DNAH14: variants seen among roughly 807,000 people sequenced by gnomAD.
DNAH14 encodes the protein axonemal beta dynein heavy chain 14.
Under a neutral mutation model 520.9 loss-of-function variants are expected in DNAH14, and 478 were observed. The observed-to-expected ratio is 0.92, with a 90% CI of 0.85 to 0.99. The LOEUF (loss-of-function observed/expected upper bound fraction) is 0.99. Ranked by LOEUF, DNAH14 falls within the 50% of genes least tolerant of loss-of-function variation. The pLI, the probability that DNAH14 is intolerant of heterozygous loss-of-function variation, is 0.00. For missense variants in DNAH14, 4,831 were observed against 5,234.5 expected (o/e 0.92, Z 2.38); for synonymous variants, 1,581 against 1,757.2 (o/e 0.90, Z 2.51).
chr1:225,091,311 A>G (rs1246027124), intron 21 of DNAH14, among the ~76,000 whole-genome samples: 1 of 152,124 alleles, frequency 6.6e-6, no homozygotes, highest in Non-Finnish European at 1.5e-5. Flanking sequence ...AGTTGGAAAA[A>G]AGGAAAAATA....
At chr1:225,216,603 C>CT (rs1265675970) in intron 41 of DNAH14, among the ~76,000 whole-genome samples, 4 of 152,098 alleles carry the variant, frequency 2.6e-5, no homozygotes, top group Non-Finnish European at 4.4e-5. Context: ...TCTTTTTACT[C>CT]TTTTTTCTCT....
At chr1:225,392,159 C>A in intron 83 of DNAH14, 132 bp from the exon 84 acceptor site, 1 of 1,163,260 alleles carries the variant, frequency 8.6e-7, no homozygotes, top group Non-Finnish European at 1.2e-6. Flanking sequence ...TGCTCCCGCC[C>A]AGCCCATCTC....
At chr1:225,124,673 T>C (rs2077555367) in intron 27 of DNAH14, among the ~76,000 whole-genome samples, 1 of 152,176 alleles carries the variant, frequency 6.6e-6, no homozygotes, top group Non-Finnish European at 1.5e-5. Context: ...CTTGAACCCC[T>C]TAAAGTCGTC....
At chr1:225,296,447 T>C (rs2094008178) in intron 55 of DNAH14, among the ~76,000 whole-genome samples, 1 of 151,990 alleles carries the variant, frequency 6.6e-6, no homozygotes, top group South Asian at 2.1e-4. Flanking sequence ...CTCATTTTGT[T>C]GATTGTTTTC....
intron 23 of DNAH14, among the ~76,000 whole-genome samples, chr1:225,106,130 T>C (rs1023426882): frequency 1.3e-5 from 2 of 150,234 alleles, no homozygotes; most frequent in Admixed American, 1.3e-4. Context: ...TTATTTCTCC[T>C]TCACTTATGG....
rs2094932716 is a variant in DNAH14, at chr1:225,335,358, T to TAC, written c.10080+1855_10080+1856dup. Reference sequence around the variant, plus strand: ...GTGTACATGTGTGTGTATATGCATATACACGTGTACATGTGTGTGTATATG... The same window carrying TAC: ...GTGTACATGTGTGTGTATATGCATATACACACGTGTACATGTGTGTGTATATG... On this transcript the variant is annotated intron_variant, in intron 66 of 85. Coordinates refer to ENST00000682510, the MANE Select transcript of DNAH14 (RefSeq NM_001367479.1). Among the ~76,000 whole-genome samples the TAC allele has an allele frequency of 3.1e-5, 2 of 63,784 alleles. 1 individual carries two copies. The highest frequency in any genetic ancestry group is 1.3e-4 in the African/African-American group (2 of 14,860). 41.8% of individuals were successfully genotyped at this position (63,784 alleles called of 152,430 possible).
chr1:225,322,741 G>A lies in DNAH14; in HGVS notation c.9413G>A (p.Trp3138Ter). 6.4e-7 allele frequency: 1 copy of A among 1,551,540 alleles called. No individual in the cohort carries two copies. The highest frequency in any genetic ancestry group is 8.7e-7 in the Non-Finnish European group (1 of 1,146,902). ...VCILLQKKPN[W>*]ATAKLLLSET... ...ATTCTTCTGCAAAAGAAACCTAACTGGGCAACGGCAAAGTTACTTCTTTCA... is the reference window on the plus strand; with the variant it reads ...ATTCTTCTGCAAAAGAAACCTAACTAGGCAACGGCAAAGTTACTTCTTTCA... The change falls in exon 62 of 86, where the codon TGG (tryptophan) becomes TAG (stop). Residue 3138 changes from tryptophan to a stop codon, truncating the protein, a stop_gained. Transcript: ENST00000682510. LOFTEE classifies it high-confidence loss of function.
At chr1:225,392,831 T>C (rs976189282) in intron 84 of DNAH14, among the ~76,000 whole-genome samples, 1 of 152,194 alleles carries the variant, frequency 6.6e-6, no homozygotes, top group African/African-American at 2.4e-5. Context: ...AACCGACTTA[T>C]TCCAGAGCTC....
intron 55 of DNAH14, among the ~76,000 whole-genome samples, chr1:225,296,529 A>T (rs1196276591): frequency 1.4e-5 from 2 of 138,428 alleles, no homozygotes; most frequent in Admixed American, 7.2e-5. Context: ...TTTTGCAGTG[A>T]TAGGGTTTGA....
intron 2 of DNAH14, chr1:224,954,463 A>C (rs1345364995): frequency 6.6e-6 from 1 of 152,444 alleles, no homozygotes; most frequent in East Asian, 1.9e-4. Flanking sequence ...TGTTCTTATG[A>C]AAAAGTTTTT....
At chr1:224,943,964 A>G (rs1301381552) in intron 1 of DNAH14, among the ~76,000 whole-genome samples, 1 of 152,140 alleles carries the variant, frequency 6.6e-6, no homozygotes, top group East Asian at 1.9e-4. Flanking sequence ...AGAAGAATGT[A>G]TATTCTGTTG....
intron 75 of DNAH14, among the ~76,000 whole-genome samples, chr1:225,363,033 G>A (rs2095510829): frequency 6.6e-6 from 1 of 151,904 alleles, no homozygotes; most frequent in South Asian, 2.1e-4. Context: ...TCCTTGTAAT[G>A]ATTTGGTTTG....
At chr1:225,090,843 G>A (rs1214338967) in intron 21 of DNAH14, among the ~76,000 whole-genome samples, 2 of 152,040 alleles carry the variant, frequency 1.3e-5, no homozygotes, top group Non-Finnish European at 2.9e-5. Context: ...GGCACCAAAA[G>A]CACTATCCAT....
At chr1:225,305,141 T>A in intron 58 of DNAH14, 52 bp downstream of exon 58, 1 of 1,489,882 alleles carries the variant, frequency 6.7e-7, no homozygotes, top group Non-Finnish European at 8.9e-7. Flanking sequence ...TGTTTTTGTT[T>A]GCGAAAAGAG....
Position 225,380,147 on chromosome 1 carries a change from T to A in DNAH14, c.12717-12T>A, listed in dbSNP as rs569729986. ...GTTCTGTGTCTCATTCTTCTCTTGG[T>A]TTTTTTTGCAGACCTGAGCAGAGTA... On this transcript the variant is annotated splice_polypyrimidine_tract_variant and intron_variant, in intron 79 of 85. Transcript: ENST00000682510. 7.0e-4 allele frequency: 1,068 copies of A among 1,529,490 alleles called. 1 individual carries two copies. The highest frequency in any genetic ancestry group is 8.9e-4 in the Non-Finnish European group (1,009 of 1,135,696). 94.7% of individuals were successfully genotyped at this position (1,529,490 alleles called of 1,614,324 possible). A position where few individuals can be genotyped will look rare whatever the true frequency, so the allele number is the denominator to read the frequency against.
chr1:224,929,717 A>T lies in DNAH14; in HGVS notation c.-152A>T, dbSNP rs932046052. ...AGGAGGCGTCGGAGCCTGGCGTGGT[A>T]GGGCTGTGCTGCGCGGTCCTTCCCA... On this transcript the variant is annotated 5_prime_UTR_variant, in exon 1 of 86. Coordinates refer to ENST00000682510, the MANE Select transcript of DNAH14 (RefSeq NM_001367479.1). 2 of 702,240 alleles carry T rather than the reference A, an allele frequency of 2.8e-6. No homozygotes were observed. The highest frequency in any genetic ancestry group is 5.2e-6 in the Non-Finnish European group (2 of 384,834). The allele number at this position is 702,240 out of a possible 1,614,324, so 43.5% of individuals were successfully genotyped here. A position where few individuals can be genotyped will look rare whatever the true frequency, so the allele number is the denominator to read the frequency against.
At chr1:225,323,653 T>A (rs1331330978) in intron 62 of DNAH14, among the ~76,000 whole-genome samples, 2 of 151,514 alleles carry the variant, frequency 1.3e-5, no homozygotes, top group Non-Finnish European at 2.9e-5. Flanking sequence ...AGTAGAGACA[T>A]GGTTTCACCA....
intron 54 of DNAH14, among the ~76,000 whole-genome samples, chr1:225,283,988 AC>A (rs2093683181): frequency 6.6e-6 from 1 of 152,162 alleles, no homozygotes; most frequent in Non-Finnish European, 1.5e-5. Context: ...ATGGAAACAA[AC>A]AAAAACATAA....
chr1:225,049,499 T>C (rs1260785987), intron 15 of DNAH14, among the ~76,000 whole-genome samples: 3 of 152,162 alleles, frequency 2.0e-5, no homozygotes, highest in African/African-American at 7.2e-5. Flanking sequence ...AATCTGTGCC[T>C]TATCTTTTCA....
Sources: gnomAD v4.1 joint callset for allele counts (sites outside exome capture counted in the v4.1 genomes callset) on GRCh38, gnomAD v4.1.1 for gene constraint, MANE v1.5 for transcripts, NCBI Gene and HGNC (gene_info 2026-07-23, HGNC 2026-07-21) for gene names.